Variants in COMMD10 observed in about 807,000 individuals in gnomAD.
The protein encoded by COMMD10 is COMM domain containing 10.
Under a neutral mutation model 28.9 loss-of-function variants are expected in COMMD10, and 33 were observed. The ratio of observed to expected loss-of-function variants is 1.14; its 90% CI spans 0.87 to 1.53. The LOEUF (loss-of-function observed/expected upper bound fraction) is 1.53, where lower values mean the gene tolerates loss of function less well. Among genes scored for constraint, COMMD10 ranks in the 40% most tolerant of loss-of-function variants. The pLI, the probability that COMMD10 is intolerant of heterozygous loss-of-function variation, is 0.00. For synonymous variants in COMMD10, 110 were observed against 81.7 expected, an observed-to-expected ratio of 1.35 and a Z score of -1.87; for missense variants, 310 against 233.4, an observed-to-expected ratio of 1.33 and a Z score of -2.14.
intron 5 of COMMD10, among the ~76,000 whole-genome samples, chr5:116,143,607 A>G (rs1752257569): frequency 6.6e-6 from 1 of 151,858 alleles, no homozygotes; most frequent in Non-Finnish European, 1.5e-5. Context: ...ATATGTTTAG[A>G]AGTACCTTTA....
chr5:116,135,005 C>G (rs987551699), intron 5 of COMMD10, among the ~76,000 whole-genome samples: 1 of 152,048 alleles, frequency 6.6e-6, no homozygotes, highest in Admixed American at 6.5e-5. Flanking sequence ...CAAAGCATTG[C>G]TATGAAATAC....
At chr5:116,222,602 T>G (rs1238533386) in intron 5 of COMMD10, among the ~76,000 whole-genome samples, 1 of 152,186 alleles carries the variant, frequency 6.6e-6, no homozygotes, top group African/African-American at 2.4e-5. Context: ...AAAGATAATC[T>G]TACAAGAAAT....
At chr5:116,194,837 C>G (rs1293228185) in intron 5 of COMMD10, among the ~76,000 whole-genome samples, 1 of 151,996 alleles carries the variant, frequency 6.6e-6, no homozygotes, top group Non-Finnish European at 1.5e-5. Flanking sequence ...ACCCTAATAC[C>G]AAAATCAGGA....
chr5:116,238,841 A>G (rs905833317), intron 5 of COMMD10, among the ~76,000 whole-genome samples: 1 of 152,176 alleles, frequency 6.6e-6, no homozygotes, highest in East Asian at 1.9e-4. Flanking sequence ...TACATCAGTA[A>G]TTGTTTCTGT....
chr5:116,259,380 GT>G (rs1335162689), intron 5 of COMMD10, among the ~76,000 whole-genome samples: 5 of 149,480 alleles, frequency 3.3e-5, no homozygotes, highest in South Asian at 2.1e-4. Flanking sequence ...TTCCATAATT[GT>G]TTTTTTTTGT....
At chr5:116,175,749 A>T (rs10062295) in intron 5 of COMMD10, among the ~76,000 whole-genome samples, 23 of 152,016 alleles carry the variant, frequency 1.5e-4, no homozygotes, top group Non-Finnish European at 5.9e-5. Context: ...GAAGACATTC[A>T]GCTAAGTAAA....
chr5:116,208,204 A>G (rs553013166), intron 5 of COMMD10, among the ~76,000 whole-genome samples: 1 of 152,354 alleles, frequency 6.6e-6, no homozygotes, highest in East Asian at 1.9e-4. Flanking sequence ...GGGAACATAC[A>G]GGTTAGTATC....
At chr5:116,172,103 A>G (rs1250919690) in intron 5 of COMMD10, among the ~76,000 whole-genome samples, 1 of 152,154 alleles carries the variant, frequency 6.6e-6, no homozygotes, top group Non-Finnish European at 1.5e-5. Context: ...AGGCTGGAAA[A>G]ATATATCTTT....
intron 6 of COMMD10, 23 bp from the exon 7 acceptor site, chr5:116,292,423 CTTTTT>C (rs11337562): frequency 5.5e-6 from 7 of 1,269,520 alleles, no homozygotes; most frequent in Admixed American, 2.6e-5. Context: ...TCACTAACGT[CTTTTT>C]TTTTTTTTGT....
intron 5 of COMMD10, among the ~76,000 whole-genome samples, chr5:116,181,549 T>C (rs1464589139): frequency 6.6e-6 from 1 of 151,514 alleles, no homozygotes; most frequent in East Asian, 1.9e-4. Context: ...TGGTTAATCA[T>C]AAAAATCCAC....
chr5:116,259,136 C>T (rs1164795364), intron 5 of COMMD10, among the ~76,000 whole-genome samples: 1 of 147,846 alleles, frequency 6.8e-6, no homozygotes, highest in Non-Finnish European at 1.5e-5. Context: ...AATCTTGGCT[C>T]ACTGCAACCT....
At chr5:116,255,638 G>C (rs1203215345) in intron 5 of COMMD10, 1 of 151,408 alleles carries the variant, frequency 6.6e-6, no homozygotes, top group African/African-American at 2.4e-5. Flanking sequence ...AACAATTAGT[G>C]TTTACATTTT....
At chr5:116,167,079 A>C (rs557169506) in intron 5 of COMMD10, among the ~76,000 whole-genome samples, 1 of 152,108 alleles carries the variant, frequency 6.6e-6, no homozygotes, top group East Asian at 1.9e-4. Context: ...TTCTAATCCA[A>C]TGCAGGGAAG....
chr5:116,225,789 T>A (rs912182554), intron 5 of COMMD10, among the ~76,000 whole-genome samples: 1 of 151,914 alleles, frequency 6.6e-6, no homozygotes, highest in Non-Finnish European at 1.5e-5. Flanking sequence ...AATAAAAGAA[T>A]CACAGATTCT....
chr5:116,165,332 G>C (rs1256916122), intron 5 of COMMD10, among the ~76,000 whole-genome samples: 1 of 152,114 alleles, frequency 6.6e-6, no homozygotes, highest in Non-Finnish European at 1.5e-5. Context: ...TTGTATTTAA[G>C]GAGTATTTTT....
chr5:116,184,459 T>C (rs967258708), intron 5 of COMMD10, among the ~76,000 whole-genome samples: 1 of 152,058 alleles, frequency 6.6e-6, no homozygotes, highest in Non-Finnish European at 1.5e-5. Flanking sequence ...GTTACTTCTT[T>C]ATAGACATAT....
At chr5:116,134,788 A>T (rs1382044343) in intron 5 of COMMD10, among the ~76,000 whole-genome samples, 2 of 151,834 alleles carry the variant, frequency 1.3e-5, no homozygotes, top group East Asian at 1.9e-4. Context: ...TGTCCGGCTA[A>T]TTTTTTGTAT....
chr5:116,205,783 A>G (rs1337311312), intron 5 of COMMD10, among the ~76,000 whole-genome samples: 1 of 152,206 alleles, frequency 6.6e-6, no homozygotes, highest in South Asian at 2.1e-4. Context: ...GCTTCACATC[A>G]TAAGTGTTAA....
intron 4 of COMMD10, among the ~76,000 whole-genome samples, chr5:116,127,224 A>C (rs1751685843): frequency 6.6e-6 from 1 of 152,206 alleles, no homozygotes; most frequent in African/African-American, 2.4e-5. Flanking sequence ...AACCACAATG[A>C]GATACCACCT....
Sources: allele counts gnomAD v4.1 joint callset (sites outside exome capture counted in the v4.1 genomes callset), GRCh38; gene constraint gnomAD v4.1.1; transcripts MANE v1.5; gene names NCBI Gene and HGNC (gene_info 2026-07-23, HGNC 2026-07-21).